The following INPP4B variants were observed in gnomAD, a reference collection of about 807,000 sequenced individuals.
INPP4B encodes inositol polyphosphate 4-phosphatase type II.
In INPP4B, 55 loss-of-function variants were observed where a neutral mutation model predicts 122.5. That is an observed-to-expected ratio of 0.45 (90% CI 0.36 to 0.56). The LOEUF is 0.56. INPP4B is among the 20% of genes least tolerant of loss of function. The pLI is 0.00. For missense variants in INPP4B, 1,000 were observed against 1,097.7 expected (o/e 0.91, Z 1.26); for synonymous variants, 403 against 388.7 (o/e 1.04, Z -0.43).
intron 3 of INPP4B, among the ~76,000 whole-genome samples, chr4:142,440,628 C>G (rs975077323): frequency 6.6e-6 from 1 of 152,118 alleles, no homozygotes. Flanking sequence ...GCCCTATTAA[C>G]CCCCTGCCCG....
chr4:142,720,285 T>C (rs1478678520), intron 2 of INPP4B, among the ~76,000 whole-genome samples: 1 of 152,178 alleles, frequency 6.6e-6, no homozygotes, highest in Non-Finnish European at 1.5e-5. Flanking sequence ...GATGTTCTAA[T>C]GAAGTATCAT....
At chr4:142,299,022 T>C (rs1286506763) in intron 9 of INPP4B, among the ~76,000 whole-genome samples, 3 of 152,136 alleles carry the variant, frequency 2.0e-5, no homozygotes, top group Admixed American at 6.5e-5. Flanking sequence ...AGAGCTGTCA[T>C]GGAGGAACTT....
At chr4:142,217,841 C>T (rs1294937544) in intron 12 of INPP4B, among the ~76,000 whole-genome samples, 1 of 151,894 alleles carries the variant, frequency 6.6e-6, no homozygotes, top group Non-Finnish European at 1.5e-5. Flanking sequence ...ACACTTCCCC[C>T]AAGTAAGAGA....
chr4:142,763,799 A>T (rs1344694644), intron 1 of INPP4B, among the ~76,000 whole-genome samples: 1 of 152,148 alleles, frequency 6.6e-6, no homozygotes, highest in Non-Finnish European at 1.5e-5. Context: ...TTTTCTAAAG[A>T]CAAAATTACA....
intron 1 of INPP4B, among the ~76,000 whole-genome samples, chr4:142,750,476 G>T (rs761479199): frequency 4.1e-4 from 62 of 152,202 alleles, no homozygotes; most frequent in Admixed American, 8.5e-4. Context: ...ACAAGTGTCA[G>T]GAAGGATGTC....
At chr4:142,505,448 A>T (rs1333203934) in intron 2 of INPP4B, among the ~76,000 whole-genome samples, 1 of 152,094 alleles carries the variant, frequency 6.6e-6, no homozygotes, top group Non-Finnish European at 1.5e-5. Flanking sequence ...GGATAGCTGG[A>T]GTTCAGATCC....
chr4:142,156,577 A>AAGCATTCCATTATTTAATT, intron 17 of INPP4B, among the ~76,000 whole-genome samples: 1 of 152,138 alleles, frequency 6.6e-6, no homozygotes, highest in Non-Finnish European at 1.5e-5. Context: ...TTTCAGGAAA[A>AAGCATTCCATTATTTAATT]TAAACCCTTA....
intron 7 of INPP4B, among the ~76,000 whole-genome samples, chr4:142,358,062 A>C (rs1203453821): frequency 1.3e-5 from 2 of 152,076 alleles, no homozygotes; most frequent in Non-Finnish European, 2.9e-5. Flanking sequence ...TGTTTCTTAC[A>C]ATGTATGTAG....
At chr4:142,073,978 C>A (rs1769044776) in intron 25 of INPP4B, among the ~76,000 whole-genome samples, 1 of 151,940 alleles carries the variant, frequency 6.6e-6, no homozygotes, top group African/African-American at 2.4e-5. Context: ...TTTCTCTTAT[C>A]TAAAATGGAG....
In INPP4B at chr4:142,663,799, C is replaced by T. The variant is rs574354670; in HGVS notation, c.-191+62040G>A. ...TCACCATAGTTTTCTGATTTTCAGA[C>T]AAATGTATTGAAAATTTAGAAAAAT... On this transcript the variant is annotated intron_variant, in intron 2 of 25. Coordinates refer to ENST00000262992, the MANE Select transcript of INPP4B (RefSeq NM_001101669.3). 2.6e-5 allele frequency among the ~76,000 whole-genome samples: 4 copies of T among 152,064 alleles called. No individual in the cohort carries two copies. The South Asian group carries it at 8.3e-4, about 32-fold the overall frequency.
intron 2 of INPP4B, among the ~76,000 whole-genome samples, chr4:142,659,227 G>A (rs1037884500): frequency 2.2e-5 from 3 of 134,004 alleles, no homozygotes; most frequent in South Asian, 2.6e-4. Context: ...GTGAAACCCC[G>A]CCTCTACTAA....
chr4:142,682,157 G>A (rs982940943), intron 2 of INPP4B, among the ~76,000 whole-genome samples: 2 of 151,808 alleles, frequency 1.3e-5, no homozygotes, highest in Non-Finnish European at 2.9e-5. Context: ...GATTTTACAA[G>A]AAGTTAATTT....
chr4:142,123,186 G>T, intron 20 of INPP4B, 106 bp downstream of exon 20: 2 of 901,252 alleles, frequency 2.2e-6, no homozygotes, highest in Non-Finnish European at 3.2e-6. Flanking sequence ...TGTAATACTT[G>T]GCACAATAAA....
At chr4:142,351,423 T>C (rs185050893) in intron 7 of INPP4B, among the ~76,000 whole-genome samples, 128 of 152,130 alleles carry the variant, frequency 8.4e-4, no homozygotes, top group African/African-American at 3.0e-3. Context: ...TTAATATCTA[T>C]GTTCAAATAA....
At chr4:142,511,416 A>G (rs2149867984) in intron 2 of INPP4B, among the ~76,000 whole-genome samples, 1 of 152,296 alleles carries the variant, frequency 6.6e-6, no homozygotes, top group Non-Finnish European at 1.5e-5. Flanking sequence ...TATCTAAAAG[A>G]GAAATTTTTT....
chr4:142,554,163 G>T (rs1030567830), intron 2 of INPP4B, among the ~76,000 whole-genome samples: 115 of 144,062 alleles, frequency 8.0e-4, no homozygotes, highest in Non-Finnish European at 1.4e-3. Flanking sequence ...ACTCCAGCCT[G>T]GGCAACAAGA....
At position 142,123,528 on chromosome 4, in the gene INPP4B, C is replaced by A. The variant is rs76102727; in HGVS notation, c.1894-113G>T. Reference sequence around the variant, plus strand: ...AGATTCGATTATCAGGTATGTATAACAAAACTACAACTATTTGGTAGGCAT... The same window carrying A: ...AGATTCGATTATCAGGTATGTATAAAAAAACTACAACTATTTGGTAGGCAT... On this transcript the variant is annotated intron_variant, in intron 19 of 25. Transcript: ENST00000262992. 1.2e-3 allele frequency: 1,108 copies of A among 950,990 alleles called. 4 individuals carry two copies. In the African/African-American group the frequency reaches 0.016, roughly 14 times the overall value. The allele number at this position is 950,990 out of a possible 1,614,324, so 58.9% of individuals were successfully genotyped here.
At chr4:142,630,100 C>T (rs1014210516) in intron 2 of INPP4B, among the ~76,000 whole-genome samples, 1 of 152,016 alleles carries the variant, frequency 6.6e-6, no homozygotes, top group African/African-American at 2.4e-5. Context: ...AAGCCCAACG[C>T]GATCAGTAGT....
intron 10 of INPP4B, among the ~76,000 whole-genome samples, chr4:142,262,878 T>C (rs915678440): frequency 6.6e-6 from 1 of 152,124 alleles, no homozygotes; most frequent in African/African-American, 2.4e-5. Context: ...TAAACTACAA[T>C]GAAAACAGTA....
Sources: allele counts gnomAD v4.1 joint callset (sites outside exome capture counted in the v4.1 genomes callset), GRCh38; gene constraint gnomAD v4.1.1; transcripts MANE v1.5; gene names NCBI Gene and HGNC (gene_info 2026-07-23, HGNC 2026-07-21).